NDUFA6: variants seen among roughly 807,000 people sequenced by gnomAD.
NDUFA6 encodes NADH dehydrogenase [ubiquinone] 1 alpha subcomplex subunit 6.
NDUFA6 carries 10 observed loss-of-function variants against 12.5 expected under a neutral mutation model. The observed-to-expected ratio is 0.80, with a 90% CI of 0.49 to 1.35. The LOEUF is 1.35. Ranked by LOEUF, NDUFA6 falls within the 40% of genes most tolerant of loss-of-function variation. The probability of loss-of-function intolerance (pLI) is 0.00; values close to 1 mark genes in which losing one functional copy is unlikely to be tolerated. For missense variants in NDUFA6, 177 were observed against 173.5 expected, an observed-to-expected ratio of 1.02 and a Z score of -0.11; for synonymous variants, 66 against 63.0, an observed-to-expected ratio of 1.05 and a Z score of -0.23.
chr22:42,087,451 G>A lies in NDUFA6; in HGVS notation c.140-276C>T, dbSNP rs188670201. ...AACCTGGGTTCAAATCCCAGCTTTT[G>A]TTAGCTATATGATCCCGTGTAAGTT... On this transcript the variant is annotated intron_variant, in intron 1 of 2. Transcript: ENST00000498737. 2,022 of 469,260 alleles carry A rather than the reference G, an allele frequency of 4.3e-3. 40 individuals carry two copies. The highest frequency in any genetic ancestry group is 2.6e-3 in the Non-Finnish European group (659 of 256,524). The allele number at this position is 469,260 out of a possible 1,614,324, so 29.1% of individuals were successfully genotyped here.
intron 2 of NDUFA6, among the ~76,000 whole-genome samples, chr22:42,086,657 T>C (rs1415626261): frequency 6.6e-6 from 1 of 152,222 alleles, no homozygotes; most frequent in East Asian, 1.9e-4. Flanking sequence ...GAAGCTCCCA[T>C]TGATGCTAAC....
chr22:42,086,079 G>A lies in NDUFA6; in HGVS notation c.*104C>T. The stretch of plus-strand genomic sequence containing the variant: ...CTTGCTCAGGCAAAAAGAGGCTGCA[G>A]AAAATTGGTTCATCAATGGAATTCT... On this transcript the variant is annotated 3_prime_UTR_variant, in exon 3 of 3. Coordinates refer to ENST00000498737, the MANE Select transcript of NDUFA6 (RefSeq NM_002490.6). 1 of 1,550,264 alleles carries A rather than the reference G, an allele frequency of 6.5e-7. No homozygotes were observed. Among genetic ancestry groups the A allele is most frequent in the South Asian group, 1.1e-5 (1 of 89,822 alleles).
In NDUFA6 at chr22:42,090,657, G is replaced by A; in HGVS notation, c.88C>T (p.Arg30Trp). Residue 30 changes from arginine (R) to tryptophan (W), a missense_variant, in exon 1 of 3, where the codon CGG becomes TGG. Transcript: ENST00000498737. ...IFSRDMNEAK[R>W]RVRELYRAWY... ...GCGCGGTAGAGCTCGCGCACCCTCC[G>A]CTTGGCCTCGTTCATGTCCCGACTG... 1.2e-6 allele frequency: 2 copies of A among 1,614,116 alleles called. No individual in the cohort carries two copies. The highest frequency in any genetic ancestry group is 1.7e-6 in the Non-Finnish European group (2 of 1,180,044).
intron 1 of NDUFA6, among the ~76,000 whole-genome samples, chr22:42,090,388 C>T (rs1928562264): frequency 6.6e-6 from 1 of 152,260 alleles, no homozygotes; most frequent in Admixed American, 6.5e-5. Flanking sequence ...ACCAAAGCTC[C>T]GATAGCACGT....
At position 42,085,964 on chromosome 22, in the gene NDUFA6, G is replaced by A; in HGVS notation, c.*219C>T. On this transcript the variant is annotated 3_prime_UTR_variant, in exon 3 of 3. Coordinates refer to ENST00000498737, the MANE Select transcript of NDUFA6 (RefSeq NM_002490.6). ...TCCTTCCTGTTTACTGACATGCAAGGCTCTGAGAAAAATAATTCAATCCAA... is the reference window on the plus strand; with the variant it reads ...TCCTTCCTGTTTACTGACATGCAAGACTCTGAGAAAAATAATTCAATCCAA... The A allele has an allele frequency of 1.6e-6, 1 of 638,260 alleles. No homozygotes were observed. Among genetic ancestry groups the A allele is most frequent in the South Asian group, 1.9e-5 (1 of 52,604 alleles). The allele number at this position is 638,260 out of a possible 1,614,324, so 39.5% of individuals were successfully genotyped here.
intron 1 of NDUFA6, among the ~76,000 whole-genome samples, chr22:42,088,693 C>T (rs1350636510): frequency 1.4e-5 from 2 of 144,016 alleles, no homozygotes; most frequent in Non-Finnish European, 3.0e-5. Context: ...TGCCCTCCAG[C>T]CTGGGAGACA....
In NDUFA6 at chr22:42,085,875, A is replaced by T; in HGVS notation, c.*308T>A. Reference sequence around the variant, plus strand: ...GTCTAATCATAGGGGCTATAGAAACAACTACATTAACAAGTCGTCCAGCCT... The same window carrying T: ...GTCTAATCATAGGGGCTATAGAAACTACTACATTAACAAGTCGTCCAGCCT... On this transcript the variant is annotated 3_prime_UTR_variant, in exon 3 of 3. Transcript: ENST00000498737. 2.1e-6 allele frequency: 1 copy of T among 475,340 alleles called. No homozygotes were observed. The highest frequency in any genetic ancestry group is 4.2e-5 in the East Asian group (1 of 23,702). 29.4% of individuals were successfully genotyped at this position (475,340 alleles called of 1,614,324 possible). A position where few individuals can be genotyped will look rare whatever the true frequency, so the allele number is the denominator to read the frequency against.
chr22:42,090,471 C>G, intron 1 of NDUFA6, 135 bp downstream of exon 1: 1 of 1,112,588 alleles, frequency 9.0e-7, no homozygotes, highest in Non-Finnish European at 1.3e-6. Flanking sequence ...TCGGGTGACC[C>G]TCTTCCCCTG....
At chr22:42,090,190 CAA>C (rs936295051) in intron 1 of NDUFA6, among the ~76,000 whole-genome samples, 2 of 152,020 alleles carry the variant, frequency 1.3e-5, no homozygotes, top group Non-Finnish European at 2.9e-5. Flanking sequence ...CTGTCACAAA[CAA>C]AAAAATCCAA....
At chr22:42,089,015 G>A (rs1440562035) in intron 1 of NDUFA6, among the ~76,000 whole-genome samples, 2 of 151,826 alleles carry the variant, frequency 1.3e-5, no homozygotes, top group Admixed American at 6.6e-5. Context: ...CTAGGCTCCT[G>A]TAGCCCTCTG....
Position 42,086,294 on chromosome 22 carries a change from T to G in NDUFA6, c.276A>C (p.Glu92Asp), listed in dbSNP as rs754243509. The G allele has an allele frequency of 6.2e-7, 1 of 1,614,234 alleles. No individual in the cohort carries two copies. The highest frequency in any genetic ancestry group is 1.3e-5 in the African/African-American group (1 of 75,054). The part of the protein sequence containing the change: ...LVIKGKIELE[E>D]TIKVWKQRTH... ...TCCGCTGCTTCCATACTTTAATTGT[T>G]TCTTCCAGTTCGATCTTTCCCTGAA... The change falls in exon 3 of 3, where the codon GAA (glutamate) becomes GAC (aspartate). Residue 92 changes from glutamate to aspartate, a missense_variant. This residue lies in a region of NDUFA6 where 62 missense variants were observed against 69.4 expected (regional missense o/e 0.89). Coordinates refer to ENST00000498737, the MANE Select transcript of NDUFA6 (RefSeq NM_002490.6).
intron 1 of NDUFA6, among the ~76,000 whole-genome samples, chr22:42,088,912 G>A (rs916923439): frequency 6.6e-6 from 1 of 152,034 alleles, no homozygotes; most frequent in East Asian, 1.9e-4. Context: ...GTGTGGCACA[G>A]GTTTGAGTAA....
At position 42,086,011 on chromosome 22, in the gene NDUFA6, C is replaced by T. The variant is rs1728586140; in HGVS notation, c.*172G>A. 1 of 806,462 alleles carries T rather than the reference C, an allele frequency of 1.2e-6. No individual in the cohort carries two copies. Among genetic ancestry groups the T allele is most frequent in the Non-Finnish European group, 2.1e-6 (1 of 485,260 alleles). 50.0% of individuals were successfully genotyped at this position (806,462 alleles called of 1,614,324 possible). ...CCAATTTACAGCAAACACCACATTT[C>T]AAGAAAAGGGAAAGAACAGGTGATG... On this transcript the variant is annotated 3_prime_UTR_variant, in exon 3 of 3. Transcript: ENST00000498737.
Position 42,090,684 on chromosome 22 carries a change from A to G in NDUFA6, c.61T>C (p.Phe21Leu). ...STASTFVKPI[F>L]SRDMNEAKRR... ...TTGGCCTCGTTCATGTCCCGACTGA[A>G]AATGGGCTTCACGAAGGTGCTGGCG... Residue 21 changes from phenylalanine to leucine, a missense_variant, in exon 1 of 3, where the codon TTC becomes CTC. Phe to Leu is a conservative substitution (Grantham distance 22, BLOSUM62 0). Around this residue, in one of 3 missense-constraint regions of NDUFA6, gnomAD observed 111 missense variants for 87.2 expected, o/e 1.27. Transcript: ENST00000498737. 1.2e-6 allele frequency: 2 copies of G among 1,614,176 alleles called. No individual in the cohort carries two copies. The highest frequency in any genetic ancestry group is 1.7e-6 in the Non-Finnish European group (2 of 1,180,030).
At position 42,085,846 on chromosome 22, in the gene NDUFA6, A is replaced by C; in HGVS notation, c.*337T>G. 1 of 408,124 alleles carries C rather than the reference A, an allele frequency of 2.5e-6. No homozygotes were observed. The highest frequency in any genetic ancestry group is 4.6e-6 in the Non-Finnish European group (1 of 218,136). 25.3% of individuals were successfully genotyped at this position (408,124 alleles called of 1,614,324 possible). On this transcript the variant is annotated 3_prime_UTR_variant, in exon 3 of 3. Coordinates refer to ENST00000498737, the MANE Select transcript of NDUFA6 (RefSeq NM_002490.6). The stretch of plus-strand genomic sequence containing the variant: ...TTAGATAATCTGTGCCCTGACACTG[A>C]AGTGTCTAATCATAGGGGCTATAGA...
intron 1 of NDUFA6, 69 bp downstream of exon 1, chr22:42,090,537 A>G (rs2146878226): frequency 6.3e-7 from 1 of 1,586,484 alleles, no homozygotes; most frequent in Non-Finnish European, 8.6e-7. Flanking sequence ...CCCATGAGAA[A>G]CCCCGGCCGG....
In NDUFA6 at chr22:42,085,998, A is replaced by C; in HGVS notation, c.*185T>G. 1.3e-6 allele frequency: 1 copy of C among 741,612 alleles called. No homozygotes were observed. The highest frequency in any genetic ancestry group is 1.6e-5 in the South Asian group (1 of 61,486). 45.9% of individuals were successfully genotyped at this position (741,612 alleles called of 1,614,324 possible). ...AAAATAATTCAATCCAATTTACAGC[A>C]AACACCACATTTCAAGAAAAGGGAA... is the stretch of plus-strand genomic sequence containing the variant. On this transcript the variant is annotated 3_prime_UTR_variant, in exon 3 of 3. Coordinates refer to ENST00000498737, the MANE Select transcript of NDUFA6 (RefSeq NM_002490.6).
rs568409523 is a variant in NDUFA6, at chr22:42,086,249, G to A, written c.321C>T (p.Phe107=). 1.2e-5 allele frequency: 19 copies of A among 1,614,082 alleles called. No individual in the cohort carries two copies. The highest frequency in any genetic ancestry group is 1.6e-4 in the Middle Eastern group (1 of 6,084). The change falls in exon 3 of 3, where the codon TTC becomes TTT. Residue 107 remains phenylalanine (F), a synonymous_variant. Coordinates refer to ENST00000498737, the MANE Select transcript of NDUFA6 (RefSeq NM_002490.6). ...WKQRTHVMRF[F]HETEAPRPKD... is the part of the protein sequence containing the mutation. ...TTGGCCTTGGCGCTTCTGTTTCATG[G>A]AAGAACCGCATAACATGTGTCCGCT...
Position 42,086,162 on chromosome 22 carries a change from G to A in NDUFA6, c.*21C>T. 6.2e-7 allele frequency: 1 copy of A among 1,614,170 alleles called. No homozygotes were observed. The highest frequency in any genetic ancestry group is 8.5e-7 in the Non-Finnish European group (1 of 1,180,016). ...TTGTGCTCTAAAATAGTATCAACGT[G>A]CATCTTTCCACTGAATGACTTCATG... On this transcript the variant is annotated 3_prime_UTR_variant, in exon 3 of 3. Coordinates refer to ENST00000498737, the MANE Select transcript of NDUFA6 (RefSeq NM_002490.6).
Sources: gnomAD v4.1 joint callset for allele counts (sites outside exome capture counted in the v4.1 genomes callset) on GRCh38, gnomAD v4.1.1 for gene constraint, gnomAD v4.1.1 regional missense constraint, MANE v1.5 for transcripts, NCBI Gene and HGNC (gene_info 2026-07-23, HGNC 2026-07-21) for gene names.